PPP6R2: variants seen among roughly 807,000 people sequenced by gnomAD.
The protein encoded by PPP6R2 is serine/threonine-protein phosphatase 6 regulatory subunit 2.
A neutral mutation model predicts 100.2 loss-of-function variants in PPP6R2; 62 were observed. That is an observed-to-expected ratio of 0.62 (90% CI 0.50 to 0.76). PPP6R2 has a LOEUF of 0.76. Among genes scored for constraint, PPP6R2 ranks in the 30% least tolerant of loss-of-function variants. PPP6R2 has a pLI of 0.00. For missense variants in PPP6R2, 1,142 were observed against 1,276.3 expected (o/e 0.89, Z 1.60); for synonymous variants, 525 against 514.7 (o/e 1.02, Z -0.27).
chr22:50,406,805 C>T lies in PPP6R2; in HGVS notation c.344C>T (p.Pro115Leu). The T allele has an allele frequency of 2.5e-6, 4 of 1,614,134 alleles. No individual in the cohort carries two copies. The highest frequency in any genetic ancestry group is 3.4e-6 in the Non-Finnish European group (4 of 1,179,976). Reference protein sequence around the residue: ...LLYDFLDHEPPLNPLLASFFS... With the variant: ...LLYDFLDHEPLLNPLLASFFS... Reference sequence around the variant, plus strand: ...TACGACTTCTTGGACCATGAGCCGCCTCTCAATCCTCTGCTCGCCAGTTTT... The same window carrying T: ...TACGACTTCTTGGACCATGAGCCGCTTCTCAATCCTCTGCTCGCCAGTTTT... Residue 115 changes from proline (P) to leucine (L), a missense_variant, in exon 4 of 24, where the codon CCT (proline) becomes CTT (leucine). Physicochemically the swap from Pro to Leu is moderately conservative, Grantham distance 98. Around this residue, in one of 2 missense-constraint regions of PPP6R2, gnomAD observed 592 missense variants for 758.9 expected, o/e 0.78. Transcript: ENST00000612753.
Position 50,438,678 on chromosome 22 carries a change from G to C in PPP6R2, c.2044G>C (p.Glu682Gln). ...AGGCCAGGATGGGAAGGCGAGCTTG[G>C]AAGCACACAGAGATGCACCTGGGGC... ...RGGQDGKASL[E>Q]AHRDAPGAGA... The change falls in exon 19 of 24, where the codon GAA becomes CAA. Residue 682 changes from glutamate (E) to glutamine (Q), a missense_variant. Transcript: ENST00000612753. 6.2e-7 allele frequency: 1 copy of C among 1,614,024 alleles called. No individual in the cohort carries two copies. Among genetic ancestry groups the C allele is most frequent in the East Asian group, 2.2e-5 (1 of 44,868 alleles).
rs1022024884 is a variant in PPP6R2 at position 50,414,437 on chromosome 22, G to A, written c.415-115G>A. 3.2e-5 allele frequency: 38 copies of A among 1,201,356 alleles called. No homozygotes were observed. The Middle Eastern group carries it at 8.3e-4, about 26-fold the overall frequency. The allele number at this position is 1,201,356 out of a possible 1,614,324, so 74.4% of individuals were successfully genotyped here. A position where few individuals can be genotyped will look rare whatever the true frequency, so the allele number is the denominator to read the frequency against. On this transcript the variant is annotated intron_variant, in intron 4 of 23. Coordinates refer to ENST00000612753, the MANE Select transcript of PPP6R2 (RefSeq NM_001242898.2). The stretch of plus-strand genomic sequence containing the variant: ...CTTACAATCTTGTCTGGGTCTTTCC[G>A]TTATTTCTGCTTAATATAATTACTA...
intron 1 of PPP6R2, among the ~76,000 whole-genome samples, chr22:50,355,945 A>G (rs550825354): frequency 8.0e-5 from 12 of 150,926 alleles, no homozygotes; most frequent in Non-Finnish European, 1.5e-4. Context: ...GTGATGTTTT[A>G]ATACCTATAG....
chr22:50,389,062 C>G (rs1303357042), intron 2 of PPP6R2: 4 of 152,110 alleles, frequency 2.6e-5, no homozygotes, highest in Non-Finnish European at 5.9e-5. Flanking sequence ...GATATGCCAT[C>G]CTGAAAAAGG....
intron 16 of PPP6R2, 101 bp from the exon 17 acceptor site, chr22:50,437,742 G>C: frequency 7.0e-7 from 1 of 1,429,934 alleles, no homozygotes; most frequent in Non-Finnish European, 9.6e-7. Context: ...AGTTGTGTGA[G>C]GGTGCTGAGG....
At chr22:50,416,734 G>A (rs1261873793) in intron 6 of PPP6R2, among the ~76,000 whole-genome samples, 1 of 151,880 alleles carries the variant, frequency 6.6e-6, no homozygotes, top group South Asian at 2.1e-4. Flanking sequence ...AGGCTGAGGC[G>A]GGCCGATCAC....
chr22:50,438,902 TC>T, intron 19 of PPP6R2, 140 bp downstream of exon 19: 1 of 929,948 alleles, frequency 1.1e-6, no homozygotes, highest in Non-Finnish European at 1.6e-6. Flanking sequence ...CCCAGCTATT[TC>T]CCAGCCGTCC....
chr22:50,367,477 C>T (rs2148440270), intron 1 of PPP6R2, among the ~76,000 whole-genome samples: 1 of 152,074 alleles, frequency 6.6e-6, no homozygotes, highest in South Asian at 2.1e-4. Context: ...GAGCAGTGGG[C>T]AGAGGATGAG....
rs538155276 is a variant in PPP6R2, at chr22:50,436,194, A to G, written c.1517-173A>G. On this transcript the variant is annotated intron_variant, in intron 13 of 23. Coordinates refer to ENST00000612753, the MANE Select transcript of PPP6R2 (RefSeq NM_001242898.2). ...CCCAGGCCCCTCCGGACACGCGGCT[A>G]TGCTGCCTCTTTCTCATCCGGCAAA... Among the ~76,000 whole-genome samples the G allele has an allele frequency of 1.2e-4, 19 of 152,320 alleles. No homozygotes were observed. In the South Asian group the frequency reaches 3.7e-3, roughly 30 times the overall value.
the PPP6R2 span, among the ~76,000 whole-genome samples, chr22:50,338,226 GGTGT>G: frequency 4.5e-4 from 62 of 137,758 alleles, no homozygotes; most frequent in Non-Finnish European, 7.7e-4. Context: ...GTGGTGTGTT[GGTGT>G]GTGTGTGTGG....
the PPP6R2 span, among the ~76,000 whole-genome samples, chr22:50,335,280 G>C: frequency 7.0e-6 from 1 of 143,468 alleles, no homozygotes; most frequent in Admixed American, 7.3e-5. Context: ...AGCCAGGGTG[G>C]TTTTGATCTC....
chr22:50,342,484 C>T (rs1208547425), upstream of PPP6R2, among the ~76,000 whole-genome samples: 1 of 152,204 alleles, frequency 6.6e-6, no homozygotes, highest in Non-Finnish European at 1.5e-5. Flanking sequence ...CTCTGGCGCC[C>T]TCTACCGACA....
At chr22:50,395,397 C>T (rs905101791) in intron 3 of PPP6R2, among the ~76,000 whole-genome samples, 1 of 152,080 alleles carries the variant, frequency 6.6e-6, no homozygotes, top group Non-Finnish European at 1.5e-5. Context: ...GCGGAGCTGG[C>T]CTCCAGCTCC....
At chr22:50,369,381 G>A (rs2148471989) in intron 1 of PPP6R2, among the ~76,000 whole-genome samples, 1 of 152,192 alleles carries the variant, frequency 6.6e-6, no homozygotes, top group South Asian at 2.1e-4. Flanking sequence ...GTTTTAGAAG[G>A]TGGTAACACT....
At chr22:50,343,138 C>G (rs934196461), upstream of PPP6R2, among the ~76,000 whole-genome samples, 2 of 151,952 alleles carry the variant, frequency 1.3e-5, no homozygotes, top group African/African-American at 4.8e-5. Context: ...CCCACCCACT[C>G]CAAGGCAGCA....
chr22:50,424,345 C>T (rs374719652), intron 10 of PPP6R2, among the ~76,000 whole-genome samples: 10 of 111,088 alleles, frequency 9.0e-5, no homozygotes, highest in African/African-American at 2.8e-4. Flanking sequence ...AAGGTCTGTC[C>T]GCGTGTGGAA....
At chr22:50,426,157 T>C (rs985191446) in intron 10 of PPP6R2, among the ~76,000 whole-genome samples, 4 of 152,274 alleles carry the variant, frequency 2.6e-5, no homozygotes, top group Admixed American at 2.6e-4. Flanking sequence ...CTCGCTATGT[T>C]GATCAGGCTG....
intron 3 of PPP6R2, among the ~76,000 whole-genome samples, chr22:50,402,170 A>G (rs2058154156): frequency 6.6e-6 from 1 of 151,816 alleles, no homozygotes; most frequent in South Asian, 2.1e-4. Flanking sequence ...TGGGATCTGC[A>G]TGGGGCTTAC....
chr22:50,403,757 C>T (rs1249336306), intron 3 of PPP6R2, among the ~76,000 whole-genome samples: 1 of 152,248 alleles, frequency 6.6e-6, no homozygotes, highest in Non-Finnish European at 1.5e-5. Flanking sequence ...CTGCCCTTCA[C>T]AGGCGCTGTT....
Sources: allele counts gnomAD v4.1 joint callset (sites outside exome capture counted in the v4.1 genomes callset), GRCh38; gene constraint gnomAD v4.1.1; regional missense constraint gnomAD v4.1.1; transcripts MANE v1.5; gene names NCBI Gene and HGNC (gene_info 2026-07-23, HGNC 2026-07-21).